Variants in UNC5C observed in about 807,000 individuals in gnomAD.
The protein encoded by UNC5C is netrin receptor UNC5C.
UNC5C carries 47 observed loss-of-function variants against 99.8 expected under a neutral mutation model. The observed-to-expected ratio is 0.47, with a 90% CI of 0.37 to 0.60. The LOEUF (loss-of-function observed/expected upper bound fraction) is 0.60, where lower values mean the gene tolerates loss of function less well. Among genes scored for constraint, UNC5C ranks in the 20% least tolerant of loss-of-function variants. UNC5C has a pLI of 0.00. For synonymous variants in UNC5C, 487 were observed against 452.2 expected, an observed-to-expected ratio of 1.08 and a Z score of -0.98; for missense variants, 1,062 against 1,165.9, an observed-to-expected ratio of 0.91 and a Z score of 1.30.
At chr4:95,490,036 G>A (rs921289970) in intron 1 of UNC5C, among the ~76,000 whole-genome samples, 1 of 137,570 alleles carries the variant, frequency 7.3e-6, no homozygotes, top group African/African-American at 2.4e-5. Context: ...ACACAGAGAA[G>A]AGAAGGGGAC....
At chr4:95,248,885 TGTAGA>T (rs920801596) in intron 5 of UNC5C, among the ~76,000 whole-genome samples, 8 of 152,204 alleles carry the variant, frequency 5.3e-5, no homozygotes, top group African/African-American at 1.9e-4. Context: ...TCTACAGCAG[TGTAGA>T]GTAATGTCCT....
At chr4:95,359,760 T>C (rs1744328246) in intron 1 of UNC5C, among the ~76,000 whole-genome samples, 1 of 152,134 alleles carries the variant, frequency 6.6e-6, no homozygotes, top group African/African-American at 2.4e-5. Flanking sequence ...ATGTGAAAGC[T>C]TGGTTTTGAA....
At chr4:95,271,761 C>T (rs1261525030) in intron 4 of UNC5C, among the ~76,000 whole-genome samples, 2 of 152,152 alleles carry the variant, frequency 1.3e-5, no homozygotes, top group African/African-American at 4.8e-5. Flanking sequence ...TGTCAGGTCT[C>T]GACAATTCCT....
chr4:95,363,395 G>A (rs537039088), intron 1 of UNC5C, among the ~76,000 whole-genome samples: 2 of 152,248 alleles, frequency 1.3e-5, no homozygotes, highest in South Asian at 2.1e-4. Flanking sequence ...ATCAGATTAA[G>A]TTTTTGGCAA....
chr4:95,210,206 G>A (rs1326116627), intron 10 of UNC5C, among the ~76,000 whole-genome samples: 1 of 152,064 alleles, frequency 6.6e-6, no homozygotes. Flanking sequence ...AGGAAGGAGG[G>A]GCAGTAGGTG....
chr4:95,326,891 C>G (rs1020125473), intron 2 of UNC5C, among the ~76,000 whole-genome samples: 10 of 152,042 alleles, frequency 6.6e-5, no homozygotes, highest in African/African-American at 2.4e-4. Flanking sequence ...GTCAATTTTT[C>G]TTAGTCTCAA....
intron 10 of UNC5C, among the ~76,000 whole-genome samples, chr4:95,210,275 AG>A (rs753770316): frequency 1.3e-5 from 2 of 152,218 alleles, no homozygotes; most frequent in Non-Finnish European, 2.9e-5. Flanking sequence ...GAAGTGGTGA[AG>A]TGGAATTCTT....
At position 95,241,183 on chromosome 4, in the gene UNC5C, G is replaced by A. The variant is rs142927850; in HGVS notation, c.1108+1246C>T. 2.0e-3 allele frequency among the ~76,000 whole-genome samples: 297 copies of A among 152,268 alleles called. 1 individual carries two copies. Among genetic ancestry groups the A allele is most frequent in the African/African-American group, 6.4e-3 (267 of 41,556 alleles). ...CAAACTCTGTACCTCTAGATAAATGGTTAGCAAAGCCGATTTTCATTTATG... is the reference window on the plus strand; with the variant it reads ...CAAACTCTGTACCTCTAGATAAATGATTAGCAAAGCCGATTTTCATTTATG... On this transcript the variant is annotated intron_variant, in intron 7 of 15. Coordinates refer to ENST00000453304, the MANE Select transcript of UNC5C (RefSeq NM_003728.4).
chr4:95,183,775 GT>G (rs1736713333), intron 13 of UNC5C, among the ~76,000 whole-genome samples: 1 of 152,174 alleles, frequency 6.6e-6, no homozygotes, highest in African/African-American at 2.4e-5. Flanking sequence ...GCCAAATCCA[GT>G]ACAAATAAGA....
chr4:95,371,215 A>G (rs1194510733), intron 1 of UNC5C, among the ~76,000 whole-genome samples: 1 of 152,128 alleles, frequency 6.6e-6, no homozygotes, highest in Non-Finnish European at 1.5e-5. Context: ...CCTCAGTGTA[A>G]TGCTGTTTCA....
chr4:95,427,632 G>C (rs181642700), intron 1 of UNC5C, among the ~76,000 whole-genome samples: 1 of 152,236 alleles, frequency 6.6e-6, no homozygotes, highest in African/African-American at 2.4e-5. Flanking sequence ...AAAAATTAAG[G>C]TATGTACATT....
intron 4 of UNC5C, among the ~76,000 whole-genome samples, chr4:95,275,408 A>G (rs1465110875): frequency 6.6e-6 from 1 of 152,212 alleles, no homozygotes; most frequent in Non-Finnish European, 1.5e-5. Context: ...TGCATATATT[A>G]TCTCATTTAA....
At chr4:95,234,681 T>A (rs1379351194) in intron 7 of UNC5C, among the ~76,000 whole-genome samples, 1 of 152,182 alleles carries the variant, frequency 6.6e-6, no homozygotes, top group Non-Finnish European at 1.5e-5. Context: ...TGAAATAACA[T>A]CAATTTTGTA....
chr4:95,537,621 A>C (rs1395296289), intron 1 of UNC5C, among the ~76,000 whole-genome samples: 1 of 152,204 alleles, frequency 6.6e-6, no homozygotes, highest in African/African-American at 2.4e-5. Flanking sequence ...AAGATTAGAA[A>C]ATATTCAAAA....
chr4:95,182,814 T>G, intron 14 of UNC5C, 83 bp downstream of exon 14: 3 of 1,464,020 alleles, frequency 2.0e-6, no homozygotes, highest in Non-Finnish European at 2.8e-6. Context: ...ATGGACTATG[T>G]TGAGATACCC....
At chr4:95,500,869 G>A (rs976443855) in intron 1 of UNC5C, among the ~76,000 whole-genome samples, 1 of 152,022 alleles carries the variant, frequency 6.6e-6, no homozygotes, top group African/African-American at 2.4e-5. Flanking sequence ...TTGGGTTTAT[G>A]TACAAATACC....
chr4:95,363,506 A>G (rs1744458995), intron 1 of UNC5C, among the ~76,000 whole-genome samples: 1 of 152,194 alleles, frequency 6.6e-6, no homozygotes, highest in Admixed American at 6.5e-5. Flanking sequence ...AAATCAAACT[A>G]TAAGTAAATT....
chr4:95,187,626 C>T (rs1291391887), intron 12 of UNC5C, among the ~76,000 whole-genome samples: 2 of 152,176 alleles, frequency 1.3e-5, no homozygotes, highest in East Asian at 3.9e-4. Context: ...GAATCAGGCT[C>T]AGTTTTTTGT....
intron 1 of UNC5C, among the ~76,000 whole-genome samples, chr4:95,521,509 C>T (rs191671677): frequency 8.5e-5 from 13 of 152,168 alleles, no homozygotes; most frequent in South Asian, 2.1e-4. Flanking sequence ...TGAGCCTCCA[C>T]GCCTGGCCTC....
Sources: gnomAD v4.1 joint callset for allele counts (sites outside exome capture counted in the v4.1 genomes callset) on GRCh38, gnomAD v4.1.1 for gene constraint, MANE v1.5 for transcripts, NCBI Gene and HGNC (gene_info 2026-07-23, HGNC 2026-07-21) for gene names.